The following FAM184B variants were observed in gnomAD, a reference collection of about 807,000 sequenced individuals.
FAM184B encodes the protein protein FAM184B.
FAM184B carries 111 observed loss-of-function variants against 135.9 expected under a neutral mutation model. That is an observed-to-expected ratio of 0.82 (90% CI 0.70 to 0.96). The LOEUF (loss-of-function observed/expected upper bound fraction) is 0.96, where lower values mean the gene tolerates loss of function less well. Ranked by LOEUF, FAM184B falls within the 40% of genes least tolerant of loss-of-function variation. The pLI, the probability that FAM184B is intolerant of heterozygous loss-of-function variation, is 0.00. For synonymous variants in FAM184B, 552 were observed against 524.8 expected (o/e 1.05, Z -0.71); for missense variants, 1,375 against 1,323.9 (o/e 1.04, Z -0.60).
intron 10 of FAM184B, 116 bp downstream of exon 10, chr4:17,658,234 A>G (rs1305161096): frequency 1.0e-6 from 1 of 972,174 alleles, no homozygotes; most frequent in African/African-American, 1.6e-5. Context: ...AATAATAACA[A>G]TCTGGAAAGA....
Position 17,634,896 on chromosome 4 carries a change from CAATG to C in FAM184B, c.2889+109_2889+112del, listed in dbSNP as rs56911690. The C allele has an allele frequency of 3.9e-3, 2,473 of 628,672 alleles. 53 individuals carry two copies. The African/African-American group carries it at 0.043, about 11-fold the overall frequency. 38.9% of individuals were successfully genotyped at this position (628,672 alleles called of 1,614,324 possible). On this transcript the variant is annotated intron_variant, in intron 16 of 17. Transcript: ENST00000265018. ...TATAAACAAGTGGGTTTTTTTTTTC[CAATG>C]AATATTTTTCTGAGCGTACACCAGC...
chr4:17,731,697 A>C (rs1717779502), intron 1 of FAM184B, among the ~76,000 whole-genome samples: 1 of 152,232 alleles, frequency 6.6e-6, no homozygotes, highest in Non-Finnish European at 1.5e-5. Context: ...AGTGACCTAC[A>C]AAGAGACTTA....
At chr4:17,647,232 C>A (rs1715492153) in intron 12 of FAM184B, among the ~76,000 whole-genome samples, 1 of 150,086 alleles carries the variant, frequency 6.7e-6, no homozygotes, top group Non-Finnish European at 1.5e-5. Flanking sequence ...GGGGAATGAC[C>A]AAGTACCCAG....
At chr4:17,651,724 G>A (rs1715623090) in intron 11 of FAM184B, among the ~76,000 whole-genome samples, 1 of 152,120 alleles carries the variant, frequency 6.6e-6, no homozygotes, top group Non-Finnish European at 1.5e-5. Flanking sequence ...AGAGATGGGA[G>A]ACTGAGGTAC....
At chr4:17,771,340 G>A (rs1344347343) in intron 1 of FAM184B, among the ~76,000 whole-genome samples, 1 of 152,134 alleles carries the variant, frequency 6.6e-6, no homozygotes, top group Non-Finnish European at 1.5e-5. Context: ...GACCAGAATG[G>A]TTATGCAGAA....
intron 5 of FAM184B, among the ~76,000 whole-genome samples, chr4:17,701,423 G>T (rs933778923): frequency 7.9e-5 from 12 of 152,152 alleles, no homozygotes; most frequent in Admixed American, 2.6e-4. Context: ...TCTATGAAGT[G>T]GAAAAACAAC....
At chr4:17,765,826 T>C (rs1047948437) in intron 1 of FAM184B, among the ~76,000 whole-genome samples, 3 of 152,234 alleles carry the variant, frequency 2.0e-5, no homozygotes, top group Admixed American at 6.5e-5. Flanking sequence ...CCTTCTGATA[T>C]TCAGATGTGT....
chr4:17,664,665 G>T lies in FAM184B; in HGVS notation c.1597-6C>A, dbSNP rs145631628. ...TCCAGCTTCAAGCATGGATCCTAAG[G>T]CCAAAAAAGAAAAAGAAAAAAAAAA... On this transcript the variant is annotated splice_region_variant and splice_polypyrimidine_tract_variant and intron_variant, in intron 7 of 17. Coordinates refer to ENST00000265018, the MANE Select transcript of FAM184B (RefSeq NM_015688.2). 3.7e-4 allele frequency: 556 copies of T among 1,505,140 alleles called. 2 individuals carry two copies. In the African/African-American group the frequency reaches 7.5e-3, roughly 20 times the overall value. The allele number at this position is 1,505,140 out of a possible 1,614,324, so 93.2% of individuals were successfully genotyped here. A position where few individuals can be genotyped will look rare whatever the true frequency, so the allele number is the denominator to read the frequency against.
intron 10 of FAM184B, among the ~76,000 whole-genome samples, chr4:17,654,480 A>C (rs12507142): frequency 4.0e-4 from 61 of 151,708 alleles, no homozygotes; most frequent in African/African-American, 1.4e-3. Flanking sequence ...ACCACGCCCC[A>C]GCACCCGCCC....
intron 17 of FAM184B, 79 bp downstream of exon 17, chr4:17,633,610 G>C: frequency 1.6e-6 from 2 of 1,271,820 alleles, no homozygotes; most frequent in Non-Finnish European, 2.1e-6. Context: ...TTTGGTACCA[G>C]GTGCTAGAAA....
At chr4:17,725,568 G>A (rs191831550) in intron 1 of FAM184B, among the ~76,000 whole-genome samples, 3 of 152,116 alleles carry the variant, frequency 2.0e-5, no homozygotes, top group Non-Finnish European at 4.4e-5. Flanking sequence ...ACTCCTATTA[G>A]CACATTTGAA....
rs200410892 is a variant in FAM184B at position 17,650,619 on chromosome 4, T to C, written c.2191+2211A>G. Among the ~76,000 whole-genome samples, 13 of 152,308 alleles carry C rather than the reference T, an allele frequency of 8.5e-5. No individual in the cohort carries two copies. The East Asian group carries it at 2.3e-3, about 27-fold the overall frequency. On this transcript the variant is annotated intron_variant, in intron 11 of 17. Coordinates refer to ENST00000265018, the MANE Select transcript of FAM184B (RefSeq NM_015688.2). ...CAGGATGTCCAGCCTGACCTGTACA[T>C]GGGGAGCCTTGGACCTGAGCCATGT...
intron 7 of FAM184B, among the ~76,000 whole-genome samples, chr4:17,682,258 A>G (rs951736163): frequency 1.3e-5 from 2 of 152,158 alleles, no homozygotes; most frequent in African/African-American, 4.8e-5. Flanking sequence ...TATGACTAAA[A>G]TGGCTTTCTG....
chr4:17,635,037 T>G lies in FAM184B; in HGVS notation c.2861A>C (p.His954Pro), dbSNP rs1167882945. The G allele has an allele frequency of 2.6e-6, 4 of 1,550,934 alleles. No homozygotes were observed. Among genetic ancestry groups the G allele is most frequent in the Non-Finnish European group, 3.5e-6 (4 of 1,146,550 alleles). The change falls in exon 16 of 18, where the codon CAC (histidine) becomes CCC (proline). Residue 954 changes from histidine to proline, a missense_variant. Physicochemically the swap from His to Pro is moderately conservative, Grantham distance 77. Coordinates refer to ENST00000265018, the MANE Select transcript of FAM184B (RefSeq NM_015688.2). ...HRNRSFSFNPHPGYLTPSMKK... is the reference protein window; with the variant it reads ...HRNRSFSFNPPPGYLTPSMKK... ...CATGGAAGGGGTCAAATATCCCGGG[T>G]GAGGATTGAAAGAGAAAGACCGATT...
At position 17,781,331 on chromosome 4, in the gene FAM184B, C is replaced by G. The variant is rs961825986; in HGVS notation, c.-32G>C. 6.7e-6 allele frequency: 10 copies of G among 1,495,338 alleles called. No individual in the cohort carries two copies. The highest frequency in any genetic ancestry group is 7.2e-6 in the Non-Finnish European group (8 of 1,114,996). 92.6% of individuals were successfully genotyped at this position (1,495,338 alleles called of 1,614,324 possible). ...AACGCGCCCAGCACTCAGACTCTCT[C>G]GTTTTCTCCCTGCCCACCGTGTGCA... On this transcript the variant is annotated 5_prime_UTR_variant, in exon 1 of 18. Coordinates refer to ENST00000265018, the MANE Select transcript of FAM184B (RefSeq NM_015688.2). This position sits in a 1 kb window ranked among gnomAD's most constrained non-coding sequence, Gnocchi z 6.5.
intron 16 of FAM184B, 26 bp downstream of exon 16, chr4:17,634,983 C>G (rs756465598): frequency 2.0e-6 from 3 of 1,464,602 alleles, no homozygotes; most frequent in Middle Eastern, 1.7e-4. Flanking sequence ...TTGTATAATG[C>G]ATTAAAACCA....
chr4:17,760,078 A>G (rs1359879002), intron 1 of FAM184B, among the ~76,000 whole-genome samples: 2 of 152,128 alleles, frequency 1.3e-5, no homozygotes, highest in Non-Finnish European at 2.9e-5. Flanking sequence ...TGACATACAA[A>G]TTATCACCTG....
chr4:17,695,775 T>C (rs1716842800), intron 5 of FAM184B, among the ~76,000 whole-genome samples: 1 of 152,180 alleles, frequency 6.6e-6, no homozygotes, highest in East Asian at 1.9e-4. Context: ...TGTGTCAAGC[T>C]TGATACATCT....
At chr4:17,687,827 T>C (rs73093750) in intron 7 of FAM184B, among the ~76,000 whole-genome samples, 2,018 of 152,244 alleles carry the variant, frequency 0.013, 48 homozygotes, top group African/African-American at 0.047. Context: ...GCCAACACCT[T>C]GATTTCAGAC....
Sources: allele counts gnomAD v4.1 joint callset (sites outside exome capture counted in the v4.1 genomes callset), GRCh38; gene constraint gnomAD v4.1.1; non-coding constraint Gnocchi (gnomAD v3.1); transcripts MANE v1.5; gene names NCBI Gene and HGNC (gene_info 2026-07-23, HGNC 2026-07-21).